The following MEGF8 variants were observed in gnomAD, a reference collection of about 807,000 sequenced individuals.
MEGF8 encodes multiple epidermal growth factor-like domains protein 8.
MEGF8 carries 156 observed loss-of-function variants against 302.9 expected under a neutral mutation model. That is an observed-to-expected ratio of 0.52 (90% CI 0.45 to 0.59). The LOEUF is 0.59. Ranked by LOEUF, MEGF8 falls within the 20% of genes least tolerant of loss-of-function variation. The probability of loss-of-function intolerance (pLI) is 0.00; values close to 1 mark genes in which losing one functional copy is unlikely to be tolerated. For missense variants in MEGF8, 3,345 were observed against 3,964.5 expected, an observed-to-expected ratio of 0.84 and a Z score of 4.20; for synonymous variants, 1,621 against 1,660.5, an observed-to-expected ratio of 0.98 and a Z score of 0.58.
intron 13 of MEGF8, among the ~76,000 whole-genome samples, chr19:42,349,225 G>A (rs2147471978): frequency 6.6e-6 from 1 of 151,652 alleles, no homozygotes; most frequent in East Asian, 1.9e-4. Flanking sequence ...ACTTGAACCT[G>A]GGAAGTTGAG....
In MEGF8 at chr19:42,348,440, C is replaced by A. The variant is rs1291962165; in HGVS notation, c.2266C>A (p.Arg756=). 6.5e-7 allele frequency: 1 copy of A among 1,529,830 alleles called. No homozygotes were observed. The highest frequency in any genetic ancestry group is 2.5e-5 in the East Asian group (1 of 40,712). 94.8% of individuals were successfully genotyped at this position (1,529,830 alleles called of 1,614,324 possible). A position where few individuals can be genotyped will look rare whatever the true frequency, so the allele number is the denominator to read the frequency against. The change falls in exon 13 of 42, where the codon CGG becomes AGG. Residue 756 remains arginine, a synonymous_variant. Transcript: ENST00000251268. ...TRAQRLHVLA[R]MARGPDTENM... Reference sequence around the variant, plus strand: ...GGCCCAGCGCCTACACGTCCTGGCCCGGATGGCCCGTGGCCCTGACACGGA... The same window carrying A: ...GGCCCAGCGCCTACACGTCCTGGCCAGGATGGCCCGTGGCCCTGACACGGA...
chr19:42,342,494 G>A (rs986812709), intron 8 of MEGF8, among the ~76,000 whole-genome samples: 3 of 152,126 alleles, frequency 2.0e-5, no homozygotes, highest in African/African-American at 4.8e-5. Context: ...AAAATTAGCC[G>A]GGCTTGGTGG....
In MEGF8 at chr19:42,376,152, T is replaced by C; in HGVS notation, c.7915T>C (p.Phe2639Leu). The C allele has an allele frequency of 6.2e-7, 1 of 1,610,580 alleles. No homozygotes were observed. The highest frequency in any genetic ancestry group is 8.5e-7 in the Non-Finnish European group (1 of 1,179,712). ...AGCCGACTCGCAGGGCCTGCTCTTCTTCCGGCAGGACCAGGCCCACATTGA... is the reference window on the plus strand; with the variant it reads ...AGCCGACTCGCAGGGCCTGCTCTTCCTCCGGCAGGACCAGGCCCACATTGA... ...GSADSQGLLF[F>L]RQDQAHIDLF... The change falls in exon 42 of 42, where the codon TTC becomes CTC. Residue 2639 changes from phenylalanine to leucine, a missense_variant. Physicochemically the swap from Phe to Leu is conservative, Grantham distance 22 (BLOSUM62 0). Coordinates refer to ENST00000251268, the MANE Select transcript of MEGF8 (RefSeq NM_001271938.2). The surrounding 1 kb of genome is among the most constrained non-coding windows in gnomAD (Gnocchi z 8.2).
chr19:42,357,601 G>T lies in MEGF8; in HGVS notation c.5011+17G>T. On this transcript the variant is annotated intron_variant, in intron 28 of 41. Transcript: ENST00000251268. This position sits in a 1 kb window ranked among gnomAD's most constrained non-coding sequence, Gnocchi z 5.2. ...CCCCCACAGGTGGGGCTGGGGACCG[G>T]GAGGGGACAGCCCCCGTGGACCTCC... is the stretch of plus-strand genomic sequence containing the variant. 1 of 1,572,724 alleles carries T rather than the reference G, an allele frequency of 6.4e-7. No homozygotes were observed. The highest frequency in any genetic ancestry group is 8.6e-7 in the Non-Finnish European group (1 of 1,160,866).
At position 42,344,663 on chromosome 19, in the gene MEGF8, T is replaced by G. The variant is rs1206044; in HGVS notation, c.1934-7T>G. 4.5e-6 allele frequency: 7 copies of G among 1,564,350 alleles called. No homozygotes were observed. The African/African-American group carries it at 9.5e-5, about 21-fold the overall frequency. The stretch of plus-strand genomic sequence containing the variant: ...GACCCACCGGCCCCCACCCCCTGTC[T>G]TCTCAGAGCAGGCCCGCTGCCGAGG... On this transcript the variant is annotated splice_region_variant and splice_polypyrimidine_tract_variant and intron_variant, in intron 11 of 41. Coordinates refer to ENST00000251268, the MANE Select transcript of MEGF8 (RefSeq NM_001271938.2). The surrounding 1 kb of genome is among the most constrained non-coding windows in gnomAD (Gnocchi z 4.5).
intron 8 of MEGF8, among the ~76,000 whole-genome samples, chr19:42,338,805 T>C (rs1010607916): frequency 5.3e-5 from 8 of 151,090 alleles, no homozygotes; most frequent in Non-Finnish European, 1.2e-4. Context: ...CATTTTCTTT[T>C]TTTTTTTTTC....
In MEGF8 at chr19:42,356,876, C is replaced by T. The variant is rs200468005; in HGVS notation, c.4725C>T (p.Pro1575=). 1.7e-5 allele frequency: 27 copies of T among 1,598,630 alleles called. No individual in the cohort carries two copies. Among genetic ancestry groups the T allele is most frequent in the South Asian group, 9.1e-5 (8 of 87,964 alleles). ...PRSFHAAAYV[P]AGRGAMYLLG... ...CCTTCCATGCAGCCGCATATGTGCC[C>T]GCTGGCCGTGGTGCCATGTATCTGC... The change falls in exon 27 of 42, where the codon CCC becomes CCT. Residue 1575 remains proline, a synonymous_variant. Coordinates refer to ENST00000251268, the MANE Select transcript of MEGF8 (RefSeq NM_001271938.2). This position sits in a 1 kb window ranked among gnomAD's most constrained non-coding sequence, Gnocchi z 5.2.
In MEGF8 at chr19:42,368,929, A is replaced by T; in HGVS notation, c.6568A>T (p.Asn2190Tyr). ...GTGTGCAAACGGGCACCACGACTGC[A>T]ACGAGACGCAGAATTGCCACGACCA... ...DECANGHHDC[N>Y]ETQNCHDQPH... Residue 2190 changes from asparagine to tyrosine, a missense_variant, in exon 37 of 42, where the codon AAC becomes TAC. Coordinates refer to ENST00000251268, the MANE Select transcript of MEGF8 (RefSeq NM_001271938.2). This position sits in a 1 kb window ranked among gnomAD's most constrained non-coding sequence, Gnocchi z 4.9. 4.3e-6 allele frequency: 7 copies of T among 1,613,926 alleles called. No homozygotes were observed. Among genetic ancestry groups the T allele is most frequent in the Non-Finnish European group, 5.9e-6 (7 of 1,179,898 alleles).
Position 42,353,015 on chromosome 19 carries a change from C to G in MEGF8, c.3438C>G (p.Pro1146=), listed in dbSNP as rs1016608778. The change falls in exon 20 of 42, where the codon CCC becomes CCG. Residue 1146 remains proline (P), a synonymous_variant. Transcript: ENST00000251268. The surrounding 1 kb of genome is among the most constrained non-coding windows in gnomAD (Gnocchi z 6.1). ...ACCTAGGCTGGACATCAGACCTGCCCCCTCCCACACCCGCCCCGGGTCCGC... is the reference window on the plus strand; with the variant it reads ...ACCTAGGCTGGACATCAGACCTGCCGCCTCCCACACCCGCCCCGGGTCCGC... The part of the protein sequence containing the change: ...VCDLGWTSDL[P]PPTPAPGPPA... The G allele has an allele frequency of 2.0e-5, 32 of 1,563,970 alleles. No individual in the cohort carries two copies. The highest frequency in any genetic ancestry group is 2.6e-5 in the Non-Finnish European group (30 of 1,154,512).
chr19:42,376,644 C>G lies in MEGF8; in HGVS notation c.8407C>G (p.Leu2803Val). 6.5e-7 allele frequency: 1 copy of G among 1,540,698 alleles called. No homozygotes were observed. The highest frequency in any genetic ancestry group is 8.7e-7 in the Non-Finnish European group (1 of 1,145,362). The change falls in exon 42 of 42, where the codon CTC becomes GTC. Residue 2803 changes from leucine to valine, a missense_variant. Transcript: ENST00000251268. This position sits in a 1 kb window ranked among gnomAD's most constrained non-coding sequence, Gnocchi z 8.2. ...APNGACLGSALVTLRHRLHEY... is the reference protein window; with the variant it reads ...APNGACLGSAVVTLRHRLHEY... ...CAACGGCGCCTGCCTGGGGTCAGCC[C>G]TCGTCACACTGCGGCACAGGCTGCA...
chr19:42,349,897 C>T (rs2039344101), intron 14 of MEGF8, among the ~76,000 whole-genome samples, 198 bp downstream of exon 14: 1 of 151,988 alleles, frequency 6.6e-6, no homozygotes, highest in Admixed American at 6.6e-5. Flanking sequence ...AACCTGATCC[C>T]ATATTTTGAC....
Position 42,360,813 on chromosome 19 carries a change from G to A in MEGF8, c.5527G>A (p.Ala1843Thr). The change falls in exon 32 of 42, where the codon GCC becomes ACC. Residue 1843 changes from alanine (A) to threonine (T), a missense_variant. Physicochemically the swap from Ala to Thr is moderately conservative, Grantham distance 58. Coordinates refer to ENST00000251268, the MANE Select transcript of MEGF8 (RefSeq NM_001271938.2). Reference sequence around the variant, plus strand: ...GGGGCCCCCAATGGAGGAGTCTGTGGCCCATGCTGTGGCAGCAGTCGGGAG... The same window carrying A: ...GGGGCCCCCAATGGAGGAGTCTGTGACCCATGCTGTGGCAGCAGTCGGGAG... Reference protein sequence around the residue: ...SVGPPMEESVAHAVAAVGSRL... With the variant: ...SVGPPMEESVTHAVAAVGSRL... The A allele has an allele frequency of 6.2e-7, 1 of 1,604,918 alleles. No individual in the cohort carries two copies. The highest frequency in any genetic ancestry group is 2.2e-5 in the East Asian group (1 of 44,540).
rs747951716 is a variant in MEGF8 at position 42,355,899 on chromosome 19, G to T, written c.4286G>T (p.Gly1429Val). The change falls in exon 24 of 42, where the codon GGT becomes GTT. Residue 1429 changes from glycine (G) to valine (V), a missense_variant. Transcript: ENST00000251268. ...TGCGTGCCCCAGGACGGTGCTGCAG[G>T]TGCGGGGCTCTGCCGATGTCCTCAG... ...QECVPQDGAAGAGLCRCPQGW... is the reference protein window; with the variant it reads ...QECVPQDGAAVAGLCRCPQGW... 1.3e-6 allele frequency: 2 copies of T among 1,588,794 alleles called. No homozygotes were observed. The highest frequency in any genetic ancestry group is 1.7e-6 in the Non-Finnish European group (2 of 1,168,390).
At chr19:42,326,541 T>C in intron 1 of MEGF8, 111 bp downstream of exon 1, 1 of 1,420,550 alleles carries the variant, frequency 7.0e-7, no homozygotes, top group Non-Finnish European at 9.2e-7. Flanking sequence ...CCTTTTGCTC[T>C]AAAATGCCTG....
In MEGF8 at chr19:42,368,577, G is replaced by T; in HGVS notation, c.6396G>T (p.Arg2132=). The T allele has an allele frequency of 6.3e-7, 1 of 1,586,104 alleles. No homozygotes were observed. Among genetic ancestry groups the T allele is most frequent in the Non-Finnish European group, 8.6e-7 (1 of 1,166,744 alleles). Residue 2132 remains arginine, a synonymous_variant, in exon 36 of 42, where the codon CGG becomes CGT. Coordinates refer to ENST00000251268, the MANE Select transcript of MEGF8 (RefSeq NM_001271938.2). The surrounding 1 kb of genome is among the most constrained non-coding windows in gnomAD (Gnocchi z 4.9). Reference sequence around the variant, plus strand: ...CAACTCAGTGCGCCTTGTGCCTGCGGCGCCCCCATTGCGGCTGGTGTGCCT... The same window carrying T: ...CAACTCAGTGCGCCTTGTGCCTGCGTCGCCCCCATTGCGGCTGGTGTGCCT... ...AQATQCALCL[R]RPHCGWCAWG...
rs1419191025 is a variant in MEGF8 at position 42,333,781 on chromosome 19, G to A, written c.351+13G>A. 1 of 1,612,806 alleles carries A rather than the reference G, an allele frequency of 6.2e-7. No individual in the cohort carries two copies. Among genetic ancestry groups the A allele is most frequent in the East Asian group, 2.2e-5 (1 of 44,876 alleles). On this transcript the variant is annotated intron_variant, in intron 2 of 41. Transcript: ENST00000251268. ...TTCCTCAGGCAAGGTTAGTGGGGAT[G>A]GGGCCGTGGCAGATACACCGAGGGA...
chr19:42,361,863 T>A (rs1013036093), intron 32 of MEGF8, among the ~76,000 whole-genome samples: 1 of 151,948 alleles, frequency 6.6e-6, no homozygotes, highest in African/African-American at 2.4e-5. Context: ...AAGGCTTCGG[T>A]GGCTGCATGG....
rs556689644 is a variant in MEGF8, at chr19:42,360,841, G to A, written c.5555G>A (p.Arg1852His). The part of the protein sequence containing the change: ...VAHAVAAVGS[R>H]LYISGGFGGV... Reference sequence around the variant, plus strand: ...CATGCTGTGGCAGCAGTCGGGAGCCGCCTGTATATCTCTGGGGGTTTCGGG... The same window carrying A: ...CATGCTGTGGCAGCAGTCGGGAGCCACCTGTATATCTCTGGGGGTTTCGGG... The change falls in exon 32 of 42, where the codon CGC (arginine) becomes CAC (histidine). Residue 1852 changes from arginine to histidine, a missense_variant. By Grantham distance (29) the Arg-to-His change is conservative. Coordinates refer to ENST00000251268, the MANE Select transcript of MEGF8 (RefSeq NM_001271938.2). 3.3e-4 allele frequency: 530 copies of A among 1,612,052 alleles called. 6 individuals carry two copies. In the South Asian group the frequency reaches 5.4e-3, roughly 16 times the overall value.
In MEGF8 at chr19:42,368,476, C is replaced by G; in HGVS notation, c.6295C>G (p.Pro2099Ala). ...ACAGTGTCTGAGCCCTTCCTACCTG[C>G]CCCTGCGATGTATGGCCGGAGGCTG... ...LQQCLSPSYL[P>A]LRCMAGGCGR... Residue 2099 changes from proline to alanine, a missense_variant, in exon 36 of 42, where the codon CCC becomes GCC. Coordinates refer to ENST00000251268, the MANE Select transcript of MEGF8 (RefSeq NM_001271938.2). The surrounding 1 kb of genome is among the most constrained non-coding windows in gnomAD (Gnocchi z 4.9). 1 of 1,609,372 alleles carries G rather than the reference C, an allele frequency of 6.2e-7. No individual in the cohort carries two copies. The highest frequency in any genetic ancestry group is 8.5e-7 in the Non-Finnish European group (1 of 1,178,486).
Sources: allele counts gnomAD v4.1 joint callset (sites outside exome capture counted in the v4.1 genomes callset), GRCh38; gene constraint gnomAD v4.1.1; non-coding constraint Gnocchi (gnomAD v3.1); transcripts MANE v1.5; gene names NCBI Gene and HGNC (gene_info 2026-07-23, HGNC 2026-07-21).